Variants in KALRN observed in about 807,000 individuals in gnomAD.
KALRN encodes the protein kalirin.
Under a neutral mutation model 353.7 loss-of-function variants are expected in KALRN, and 70 were observed. That is an observed-to-expected ratio of 0.20 (90% CI 0.16 to 0.24). The LOEUF is 0.24. Ranked by LOEUF, KALRN falls within the 10% of genes least tolerant of loss-of-function variation. The pLI is 1.00. For synonymous variants in KALRN, 1,391 were observed against 1,434.8 expected (o/e 0.97, Z 0.69); for missense variants, 2,791 against 3,756.7 (o/e 0.74, Z 6.72).
At chr3:124,438,786 A>G (rs1487169586) in intron 17 of KALRN, 102 bp from the exon 18 acceptor site, 27 of 1,005,894 alleles carry the variant, frequency 2.7e-5, no homozygotes, top group Non-Finnish European at 3.4e-5. Flanking sequence ...TTAAACTTCT[A>G]ATGAAAAATG....
At chr3:124,061,548 T>G (rs145965268) in intron 1 of KALRN, among the ~76,000 whole-genome samples, 32 of 152,356 alleles carry the variant, frequency 2.1e-4, no homozygotes, top group African/African-American at 7.0e-4. Flanking sequence ...AAAACCCTCT[T>G]GTTTCATTCC....
rs79331099 is a variant in KALRN, at chr3:124,491,494, C to G, written c.4689+70C>G. 2,239 of 1,195,580 alleles carry G rather than the reference C, an allele frequency of 1.9e-3. 29 individuals are homozygous for G. In the African/African-American group the frequency reaches 0.026, roughly 14 times the overall value. The allele number at this position is 1,195,580 out of a possible 1,614,324, so 74.1% of individuals were successfully genotyped here. On this transcript the variant is annotated intron_variant, in intron 31 of 59. Coordinates refer to ENST00000682506, the MANE Select transcript of KALRN (RefSeq NM_001388419.1). The stretch of plus-strand genomic sequence containing the variant: ...TAGAAGTGGGGGTGGGCAAGTGACA[C>G]CTCAAAGCTAAGGCCCAGAGACTCT...
At chr3:124,147,213 A>C (rs1007772012) in intron 1 of KALRN, among the ~76,000 whole-genome samples, 1 of 152,148 alleles carries the variant, frequency 6.6e-6, no homozygotes, top group Non-Finnish European at 1.5e-5. Context: ...TCCCCACCCC[A>C]TGCAGCCCCT....
intron 6 of KALRN, among the ~76,000 whole-genome samples, chr3:124,322,792 C>T (rs1363227671): frequency 1.3e-5 from 2 of 152,152 alleles, no homozygotes; most frequent in Non-Finnish European, 2.9e-5. Context: ...ACTCCCTTCT[C>T]ATTTGTTGTG....
At chr3:124,378,696 A>G (rs201272554) in intron 10 of KALRN, among the ~76,000 whole-genome samples, 1 of 137,810 alleles carries the variant, frequency 7.3e-6, no homozygotes, top group Non-Finnish European at 1.6e-5. Context: ...TTTTTTTTTT[A>G]TTTGTTTTGT....
chr3:124,395,442 T>C, intron 12 of KALRN, 99 bp downstream of exon 12: 1 of 924,004 alleles, frequency 1.1e-6, no homozygotes, highest in Non-Finnish European at 1.7e-6. Context: ...CTTTGTGGTC[T>C]TGTGTGAGCT....
chr3:124,551,837 GACTGC>G (rs2070575522), intron 33 of KALRN, among the ~76,000 whole-genome samples: 1 of 152,184 alleles, frequency 6.6e-6, no homozygotes, highest in Non-Finnish European at 1.5e-5. Context: ...CTGTCTCCCT[GACTGC>G]TGTATGCCCC....
chr3:124,059,806 C>T (rs946863365), intron 1 of KALRN, among the ~76,000 whole-genome samples: 3 of 152,154 alleles, frequency 2.0e-5, no homozygotes, highest in Non-Finnish European at 2.9e-5. Context: ...AAGGTTGAAA[C>T]TGAGAGCTAC....
rs147427103 is a variant in KALRN, at chr3:124,072,512, A to T, written c.73+38699A>T. Among the ~76,000 whole-genome samples, 557 of 152,314 alleles carry T rather than the reference A, an allele frequency of 3.7e-3. 7 individuals are homozygous for T. The highest frequency in any genetic ancestry group is 0.012 in the African/African-American group (515 of 41,580). ...GAAGATGGGGATCCTGGCCCAGGGT[A>T]ATTTAGCCCATAGAGGTTTCCTGGA... On this transcript the variant is annotated intron_variant, in intron 1 of 59. Coordinates refer to ENST00000682506, the MANE Select transcript of KALRN (RefSeq NM_001388419.1).
chr3:124,593,470 C>T (rs968276426), intron 34 of KALRN, among the ~76,000 whole-genome samples: 18 of 152,154 alleles, frequency 1.2e-4, no homozygotes, highest in Admixed American at 7.9e-4. Context: ...TTGTGGTGCA[C>T]GCTCAAATTT....
chr3:124,176,349 G>T (rs530665025), intron 1 of KALRN, among the ~76,000 whole-genome samples: 1 of 152,108 alleles, frequency 6.6e-6, no homozygotes, highest in Non-Finnish European at 1.5e-5. Context: ...TAATATCCAC[G>T]CAGATTACCC....
chr3:124,183,652 A>G (rs1170898115), intron 1 of KALRN, among the ~76,000 whole-genome samples: 2 of 152,206 alleles, frequency 1.3e-5, no homozygotes, highest in Non-Finnish European at 2.9e-5. Flanking sequence ...CTGTATCTGC[A>G]GGCCAAAGGG....
intron 34 of KALRN, among the ~76,000 whole-genome samples, chr3:124,616,341 C>T (rs979482328): frequency 6.6e-6 from 1 of 152,164 alleles, no homozygotes; most frequent in Non-Finnish European, 1.5e-5. Context: ...CCAGGCTTCC[C>T]ACTGGCTTCT....
intron 37 of KALRN, among the ~76,000 whole-genome samples, chr3:124,646,519 T>C (rs2082759632): frequency 6.6e-6 from 1 of 151,162 alleles, no homozygotes; most frequent in Non-Finnish European, 1.5e-5. Context: ...GCCTCCCGAG[T>C]AGCTGGGACT....
intron 23 of KALRN, among the ~76,000 whole-genome samples, chr3:124,460,990 A>G (rs558468780): frequency 3.8e-4 from 58 of 152,352 alleles, no homozygotes; most frequent in African/African-American, 1.4e-3. Flanking sequence ...AGTTTTCTAC[A>G]CATCCGTTTA....
intron 21 of KALRN, among the ~76,000 whole-genome samples, chr3:124,448,101 C>T (rs2093899482): frequency 1.3e-5 from 2 of 152,200 alleles, no homozygotes; most frequent in African/African-American, 2.4e-5. Flanking sequence ...GGGTGGATCA[C>T]AGCAGATACC....
intron 2 of KALRN, among the ~76,000 whole-genome samples, chr3:124,232,788 C>T (rs1356451942): frequency 6.6e-6 from 1 of 152,064 alleles, no homozygotes; most frequent in Non-Finnish European, 1.5e-5. Flanking sequence ...TCCAAACTTC[C>T]TATTCACTAT....
intron 35 of KALRN, 89 bp from the exon 36 acceptor site, chr3:124,633,763 C>T: frequency 1.9e-6 from 2 of 1,076,224 alleles, no homozygotes; most frequent in Non-Finnish European, 2.8e-6. Flanking sequence ...AGGAACTCTC[C>T]TCCTATGTAT....
intron 1 of KALRN, among the ~76,000 whole-genome samples, chr3:124,147,744 G>A (rs1055273499): frequency 6.6e-6 from 1 of 152,192 alleles, no homozygotes; most frequent in Non-Finnish European, 1.5e-5. Context: ...AGGCCAAAGT[G>A]TATCTGGAAG....
Sources: gnomAD v4.1 joint callset for allele counts (sites outside exome capture counted in the v4.1 genomes callset) on GRCh38, gnomAD v4.1.1 for gene constraint, MANE v1.5 for transcripts, NCBI Gene and HGNC (gene_info 2026-07-23, HGNC 2026-07-21) for gene names.